ARHGAP6: variants seen among roughly 807,000 people sequenced by gnomAD.
ARHGAP6 encodes rho GTPase-activating protein 6.
In ARHGAP6, 16 loss-of-function variants were observed where a neutral mutation model predicts 55.7. That is an observed-to-expected ratio of 0.29 (90% CI 0.19 to 0.44). ARHGAP6 has a LOEUF of 0.44. Among genes scored for constraint, ARHGAP6 ranks in the 20% least tolerant of loss-of-function variants. The pLI, the probability that ARHGAP6 is intolerant of heterozygous loss-of-function variation, is 1.00. For missense variants in ARHGAP6, 698 were observed against 808.9 expected, an observed-to-expected ratio of 0.86 and a Z score of 1.66; for synonymous variants, 382 against 360.9, an observed-to-expected ratio of 1.06 and a Z score of -0.66.
rs182747238 is a variant in ARHGAP6, at chrX:11,298,334, C to T, written c.589-43627G>A. 2.1e-4 allele frequency: 239 copies of T among 1,151,160 alleles called. No individual in the cohort carries two copies. The African/African-American group carries it at 3.7e-3, about 18-fold the overall frequency. The allele number at this position is 1,151,160 out of a possible 1,213,427, so 94.9% of individuals were successfully genotyped here. A position where few individuals can be genotyped will look rare whatever the true frequency, so the allele number is the denominator to read the frequency against. On this transcript the variant is annotated intron_variant, in intron 1 of 12. Coordinates refer to ENST00000337414, the MANE Select transcript of ARHGAP6 (RefSeq NM_013427.3). ...AAATATTAGGCATGCATTAAAATTCCCATATTAAGTGAAATATCATGTCTA... is the reference window on the plus strand; with the variant it reads ...AAATATTAGGCATGCATTAAAATTCTCATATTAAGTGAAATATCATGTCTA...
At chrX:11,244,759 G>A (rs928417619) in intron 2 of ARHGAP6, among the ~76,000 whole-genome samples, 1 of 112,267 alleles carries the variant, frequency 8.9e-6, no homozygotes, top group East Asian at 2.8e-4. Flanking sequence ...AGAAACTGCA[G>A]TGACAGAAGT....
chrX:11,629,721 G>T (rs972201688), intron 1 of ARHGAP6, among the ~76,000 whole-genome samples: 1 of 110,901 alleles, frequency 9.0e-6, no homozygotes, highest in Non-Finnish European at 1.9e-5. Context: ...GCACTGAGTG[G>T]CCACAGGATG....
chrX:11,317,159 C>T (rs1406901152), intron 1 of ARHGAP6, among the ~76,000 whole-genome samples: 1 of 112,288 alleles, frequency 8.9e-6, no homozygotes, highest in Non-Finnish European at 1.9e-5. Flanking sequence ...GGAAATGTTT[C>T]CTAGAATGTA....
Position 11,652,157 on chromosome X carries a change from CT to C in ARHGAP6, c.588+12083del, listed in dbSNP as rs200534961. The stretch of plus-strand genomic sequence containing the variant: ...ATTAGATCCCATTTGTCAATTTTTG[CT>C]TTTGTTGCAATTGGTTTTGTCTTTG... On this transcript the variant is annotated intron_variant, in intron 1 of 12. Transcript: ENST00000337414. 1.5e-3 allele frequency among the ~76,000 whole-genome samples: 172 copies of C among 112,278 alleles called. 4 individuals are homozygous for C. In the East Asian group the frequency reaches 0.037, roughly 24 times the overall value.
At chrX:11,393,454 T>C (rs1462104105) in intron 1 of ARHGAP6, among the ~76,000 whole-genome samples, 1 of 111,948 alleles carries the variant, frequency 8.9e-6, no homozygotes, top group African/African-American at 3.2e-5. Flanking sequence ...TAACAAAATA[T>C]ATGCATAGAC....
At chrX:11,516,994 C>T (rs1442024170) in intron 1 of ARHGAP6, among the ~76,000 whole-genome samples, 1 of 111,763 alleles carries the variant, frequency 8.9e-6, no homozygotes, top group African/African-American at 3.3e-5. Context: ...ATCCGCGAGC[C>T]TCTCTCCAGA....
At chrX:11,181,278 T>C (rs2046311161) in intron 6 of ARHGAP6, among the ~76,000 whole-genome samples, 1 of 112,407 alleles carries the variant, frequency 8.9e-6, no homozygotes, top group African/African-American at 3.2e-5. Flanking sequence ...TTCAATTACT[T>C]TCAATAATAT....
chrX:11,369,163 GTTTT>G (rs1178377683), intron 1 of ARHGAP6, among the ~76,000 whole-genome samples: 4 of 111,301 alleles, frequency 3.6e-5, no homozygotes, highest in Admixed American at 9.6e-5. Context: ...ATTGTGGTAG[GTTTT>G]TTGTTTGTTT....
chrX:11,612,547 G>A (rs940467965), intron 1 of ARHGAP6, among the ~76,000 whole-genome samples: 6 of 112,046 alleles, frequency 5.4e-5, no homozygotes, highest in African/African-American at 1.9e-4. Context: ...CCACGTGAGG[G>A]CACAGCAAGA....
At chrX:11,350,376 T>C (rs1360762065) in intron 1 of ARHGAP6, among the ~76,000 whole-genome samples, 1 of 112,325 alleles carries the variant, frequency 8.9e-6, no homozygotes, top group Non-Finnish European at 1.9e-5. Context: ...GGAAAAAAAG[T>C]TTCCCATGTC....
chrX:11,163,275 C>CAATT (rs776449984), intron 9 of ARHGAP6, among the ~76,000 whole-genome samples: 2 of 112,258 alleles, frequency 1.8e-5, no homozygotes, highest in African/African-American at 6.5e-5. Flanking sequence ...AAAACTGTCA[C>CAATT]AATTAAAATC....
chrX:11,174,814 A>G (rs2046185424), intron 8 of ARHGAP6, among the ~76,000 whole-genome samples: 2 of 105,959 alleles, frequency 1.9e-5, no homozygotes, highest in Admixed American at 1.0e-4. Flanking sequence ...CAGCCTCCTG[A>G]GTAGCTGGGA....
intron 3 of ARHGAP6, among the ~76,000 whole-genome samples, chrX:11,189,675 T>C (rs1300852599): frequency 4.5e-5 from 5 of 112,205 alleles, no homozygotes; most frequent in African/African-American, 1.6e-4. Flanking sequence ...ACTCAGCCAC[T>C]AAATATCTGG....
chrX:11,549,724 A>G (rs1353928644), intron 1 of ARHGAP6, among the ~76,000 whole-genome samples: 2 of 112,603 alleles, frequency 1.8e-5, no homozygotes, highest in Admixed American at 9.4e-5. Context: ...CAGTACTCAA[A>G]GTGTAGTCCA....
intron 1 of ARHGAP6, among the ~76,000 whole-genome samples, chrX:11,587,522 G>A (rs5935114): frequency 0.36 from 40,099 of 110,725 alleles, 5,415 homozygotes; most frequent in African/African-American, 0.47. Flanking sequence ...AGCCAGCAAG[G>A]AAGACTAGCG....
At chrX:11,598,872 C>G (rs1274644167) in intron 1 of ARHGAP6, among the ~76,000 whole-genome samples, 1 of 111,048 alleles carries the variant, frequency 9.0e-6, no homozygotes, top group East Asian at 2.8e-4. Context: ...GTCTGGGCAA[C>G]ATGGTAAGAC....
chrX:11,205,716 GT>G (rs1289845767), intron 2 of ARHGAP6, among the ~76,000 whole-genome samples: 1 of 111,193 alleles, frequency 9.0e-6, no homozygotes, highest in Non-Finnish European at 1.9e-5. Flanking sequence ...AATTTCTCCT[GT>G]TGTAAAGTCT....
intron 1 of ARHGAP6, among the ~76,000 whole-genome samples, chrX:11,380,152 C>A (rs915083462): frequency 9.0e-6 from 1 of 111,697 alleles, no homozygotes; most frequent in African/African-American, 3.2e-5. Context: ...ATTTAGAATT[C>A]TGTGGCTCTC....
At chrX:11,523,805 C>A (rs1009877259) in intron 1 of ARHGAP6, among the ~76,000 whole-genome samples, 5 of 110,917 alleles carry the variant, frequency 4.5e-5, no homozygotes, top group Non-Finnish European at 7.5e-5. Context: ...TGTGGAAAGG[C>A]AGATTTGGGT....
Sources: allele counts gnomAD v4.1 joint callset (sites outside exome capture counted in the v4.1 genomes callset), GRCh38; gene constraint gnomAD v4.1.1; transcripts MANE v1.5; gene names NCBI Gene and HGNC (gene_info 2026-07-23, HGNC 2026-07-21).